TENM2: variants seen among roughly 807,000 people sequenced by gnomAD.
TENM2 encodes teneurin transmembrane protein 2.
In TENM2, 52 loss-of-function variants were observed where a neutral mutation model predicts 245.2. The ratio of observed to expected loss-of-function variants is 0.21; its 90% CI spans 0.17 to 0.27. The LOEUF (loss-of-function observed/expected upper bound fraction) is 0.27, where lower values mean the gene tolerates loss of function less well. Among genes scored for constraint, TENM2 ranks in the 10% least tolerant of loss-of-function variants. TENM2 has a pLI of 1.00. For missense variants in TENM2, 3,046 were observed against 3,666.8 expected (o/e 0.83, Z 4.37); for synonymous variants, 1,363 against 1,438.9 (o/e 0.95, Z 1.19).
chr5:167,273,708 A>G, the TENM2 span, among the ~76,000 whole-genome samples: 2 of 152,164 alleles, frequency 1.3e-5, no homozygotes, highest in Non-Finnish European at 1.5e-5. Context: ...TATAAAGACT[A>G]TGTTGTCCAA....
At chr5:168,043,775 T>A (rs1315555050) in intron 5 of TENM2, among the ~76,000 whole-genome samples, 1 of 152,200 alleles carries the variant, frequency 6.6e-6, no homozygotes, top group African/African-American at 2.4e-5. Flanking sequence ...AGACCCAGAA[T>A]GGCTATGTGA....
At chr5:167,018,299 G>A in the TENM2 span, among the ~76,000 whole-genome samples, 1 of 151,750 alleles carries the variant, frequency 6.6e-6, no homozygotes, top group Admixed American at 6.6e-5. Flanking sequence ...TAAAGAGGCA[G>A]ATATTCAGCC....
chr5:167,598,406 G>C (rs1436421747), intron 2 of TENM2, among the ~76,000 whole-genome samples: 1 of 152,142 alleles, frequency 6.6e-6, no homozygotes, highest in East Asian at 1.9e-4. Flanking sequence ...GTGATCTCCA[G>C]CTCTCCTGAA....
the TENM2 span, among the ~76,000 whole-genome samples, chr5:167,062,611 C>G: frequency 6.6e-6 from 1 of 151,946 alleles, no homozygotes; most frequent in African/African-American, 2.4e-5. Flanking sequence ...GAACATTTAC[C>G]TACTTCATGC....
intron 2 of TENM2, among the ~76,000 whole-genome samples, chr5:167,840,756 G>A (rs1180976106): frequency 2.0e-5 from 3 of 152,166 alleles, no homozygotes; most frequent in Non-Finnish European, 1.5e-5. Flanking sequence ...ACCACCTCGA[G>A]ATAAGATACT....
intron 2 of TENM2, among the ~76,000 whole-genome samples, chr5:167,515,511 C>A (rs1161468563): frequency 6.6e-6 from 1 of 150,436 alleles, no homozygotes; most frequent in East Asian, 2.0e-4. Flanking sequence ...TATGCTAAGT[C>A]CTAGGGATAC....
chr5:167,565,893 A>G (rs1773876777), intron 2 of TENM2, among the ~76,000 whole-genome samples: 1 of 152,158 alleles, frequency 6.6e-6, no homozygotes, highest in African/African-American at 2.4e-5. Flanking sequence ...AGTGTATGGC[A>G]CTTTTCTTTG....
At chr5:167,905,567 T>A (rs903941910) in intron 3 of TENM2, among the ~76,000 whole-genome samples, 1 of 152,218 alleles carries the variant, frequency 6.6e-6, no homozygotes, top group Non-Finnish European at 1.5e-5. Flanking sequence ...GAGACCTTTT[T>A]AAATTTAGCA....
At chr5:167,586,568 GT>G (rs1400381859) in intron 2 of TENM2, among the ~76,000 whole-genome samples, 9 of 152,142 alleles carry the variant, frequency 5.9e-5, no homozygotes, top group Middle Eastern at 6.3e-3. Context: ...CTTCTCCAGG[GT>G]GTCCTGTTGA....
chr5:167,289,995 C>T (rs1754541671), intron 1 of TENM2, among the ~76,000 whole-genome samples: 2 of 152,124 alleles, frequency 1.3e-5, no homozygotes, highest in African/African-American at 4.8e-5. Context: ...TGAAATGTAC[C>T]TTGAGAAGAT....
At chr5:166,986,762 T>C in the TENM2 span, among the ~76,000 whole-genome samples, 1 of 152,162 alleles carries the variant, frequency 6.6e-6, no homozygotes, top group African/African-American at 2.4e-5. Flanking sequence ...CGACTTATTG[T>C]GAATTGCCAT....
chr5:168,008,146 A>T (rs1784967389), intron 5 of TENM2, among the ~76,000 whole-genome samples: 1 of 152,202 alleles, frequency 6.6e-6, no homozygotes, highest in Non-Finnish European at 1.5e-5. Context: ...GGATAACTGG[A>T]TGGAGAAGGT....
At chr5:167,242,367 T>G in the TENM2 span, among the ~76,000 whole-genome samples, 1 of 148,248 alleles carries the variant, frequency 6.7e-6, no homozygotes, top group Admixed American at 6.8e-5. Context: ...GTTTTCTAAT[T>G]GATGTACCCC....
intron 27 of TENM2, among the ~76,000 whole-genome samples, chr5:168,253,693 G>A (rs1767375960): frequency 6.6e-6 from 1 of 152,110 alleles, no homozygotes; most frequent in Non-Finnish European, 1.5e-5. Context: ...CCAAAGTGCT[G>A]GGATTACAGG....
the TENM2 span, among the ~76,000 whole-genome samples, chr5:167,132,607 A>G: frequency 6.6e-6 from 1 of 152,190 alleles, no homozygotes; most frequent in African/African-American, 2.4e-5. Context: ...GTCCTCCCCA[A>G]TCCCCTGCAT....
chr5:167,702,375 C>G (rs1336132636), intron 2 of TENM2, among the ~76,000 whole-genome samples: 1 of 151,880 alleles, frequency 6.6e-6, no homozygotes, highest in Non-Finnish European at 1.5e-5. Flanking sequence ...TCACGTGTGT[C>G]TAGGTGCTCT....
chr5:168,123,613 A>G (rs563917532), intron 10 of TENM2, among the ~76,000 whole-genome samples: 8 of 150,510 alleles, frequency 5.3e-5, no homozygotes, highest in Non-Finnish European at 1.0e-4. Flanking sequence ...AGTGGTCTCA[A>G]GCTAGCTGTG....
At chr5:167,850,533 G>C (rs938913376) in intron 2 of TENM2, among the ~76,000 whole-genome samples, 2 of 152,130 alleles carry the variant, frequency 1.3e-5, no homozygotes, top group Non-Finnish European at 2.9e-5. Context: ...ATCCTCCCGA[G>C]TTCAAAATTT....
At chr5:168,224,653 G>A (rs921260030) in intron 23 of TENM2, among the ~76,000 whole-genome samples, 7 of 151,980 alleles carry the variant, frequency 4.6e-5, no homozygotes, top group African/African-American at 7.3e-5. Flanking sequence ...ATCCCCACGC[G>A]CTGCACAAGC....
Sources: allele counts gnomAD v4.1 joint callset (sites outside exome capture counted in the v4.1 genomes callset), GRCh38; gene constraint gnomAD v4.1.1; transcripts MANE v1.5; gene names NCBI Gene and HGNC (gene_info 2026-07-23, HGNC 2026-07-21).